The following FLT1 variants were observed in gnomAD, a reference collection of about 807,000 sequenced individuals.
The protein encoded by FLT1 is vascular endothelial growth factor receptor 1.
In FLT1, 49 loss-of-function variants were observed where a neutral mutation model predicts 156.3. That is an observed-to-expected ratio of 0.31 (90% CI 0.25 to 0.40). The LOEUF (loss-of-function observed/expected upper bound fraction) is 0.40. FLT1 is among the 10% of genes least tolerant of loss of function. The pLI, the probability that FLT1 is intolerant of heterozygous loss-of-function variation, is 1.00. For synonymous variants in FLT1, 594 were observed against 583.8 expected, an observed-to-expected ratio of 1.02 and a Z score of -0.25; for missense variants, 1,322 against 1,637.2, an observed-to-expected ratio of 0.81 and a Z score of 3.32.
intron 25 of FLT1, among the ~76,000 whole-genome samples, chr13:28,314,180 TC>T (rs1431741580): frequency 6.6e-6 from 1 of 152,170 alleles, no homozygotes; most frequent in Non-Finnish European, 1.5e-5. Context: ...TGGGCTCGTC[TC>T]CTCCTGCACC....
At chr13:28,369,527 A>T (rs1327369524) in intron 14 of FLT1, among the ~76,000 whole-genome samples, 1 of 152,216 alleles carries the variant, frequency 6.6e-6, no homozygotes, top group Non-Finnish European at 1.5e-5. Flanking sequence ...TCCATCTCCA[A>T]AAAAGAAAAG....
rs770913636 is a variant in FLT1, at chr13:28,345,353, G to C, written c.2355+92C>G. 40 of 754,174 alleles carry C rather than the reference G, an allele frequency of 5.3e-5. No individual in the cohort carries two copies. In the Middle Eastern group the frequency reaches 1.0e-3, roughly 19 times the overall value. The allele number at this position is 754,174 out of a possible 1,614,324, so 46.7% of individuals were successfully genotyped here. Reference sequence around the variant, plus strand: ...GAATGAGAGGGAAGGGAAAGAAAGAGGGTCCAACATTTGTTTGCCTACTCT... The same window carrying C: ...GAATGAGAGGGAAGGGAAAGAAAGACGGTCCAACATTTGTTTGCCTACTCT... On this transcript the variant is annotated intron_variant, in intron 16 of 29. Transcript: ENST00000282397.
At chr13:28,339,817 G>A (rs768897971) in intron 16 of FLT1, among the ~76,000 whole-genome samples, 58 of 152,308 alleles carry the variant, frequency 3.8e-4, no homozygotes, top group Admixed American at 1.1e-3. Context: ...CATTTCTTAT[G>A]AAGTGTTTAA....
intron 17 of FLT1, among the ~76,000 whole-genome samples, chr13:28,334,409 G>A (rs543483593): frequency 2.6e-5 from 4 of 152,256 alleles, no homozygotes; most frequent in Admixed American, 2.0e-4. Context: ...GCGTTCTCCC[G>A]TAGGAGAGAT....
intron 10 of FLT1, among the ~76,000 whole-genome samples, chr13:28,425,938 G>A (rs929719505): frequency 1.3e-5 from 2 of 152,136 alleles, no homozygotes; most frequent in African/African-American, 4.8e-5. Context: ...GAAAATGACA[G>A]TCAAATGAGA....
intron 1 of FLT1, among the ~76,000 whole-genome samples, chr13:28,485,822 G>A (rs533102173): frequency 6.6e-6 from 1 of 152,284 alleles, no homozygotes; most frequent in South Asian, 2.1e-4. Context: ...GGAAGCCCCG[G>A]CCAGGCTACT....
intron 25 of FLT1, among the ~76,000 whole-genome samples, chr13:28,316,839 T>C (rs577271411): frequency 3.7e-4 from 56 of 152,116 alleles, no homozygotes; most frequent in African/African-American, 1.3e-3. Context: ...GCCAGGCTAG[T>C]CTCGAACTCC....
Position 28,300,521 on chromosome 13 carries a change from CCACA to C in FLT1, c.*2642_*2645del, listed in dbSNP as rs57419092. 7,784 of 224,880 alleles carry C rather than the reference CCACA, an allele frequency of 0.035. 81 individuals are homozygous for C. The highest frequency in any genetic ancestry group is 0.062 in the South Asian group (328 of 5,292). 13.9% of individuals were successfully genotyped at this position (224,880 alleles called of 1,614,324 possible). A position where few individuals can be genotyped will look rare whatever the true frequency, so the allele number is the denominator to read the frequency against. On this transcript the variant is annotated 3_prime_UTR_variant, in exon 30 of 30. Coordinates refer to ENST00000282397, the MANE Select transcript of FLT1 (RefSeq NM_002019.4). ...AGTTATGCACAAAACACACATACAC[CCACA>C]CACACACACACACACACACACACAC... is the stretch of plus-strand genomic sequence containing the variant.
chr13:28,375,977 A>G (rs925356615), intron 14 of FLT1, among the ~76,000 whole-genome samples: 4 of 152,258 alleles, frequency 2.6e-5, no homozygotes, highest in African/African-American at 9.6e-5. Flanking sequence ...TTAAGGAATC[A>G]AGCAAAACTG....
intron 1 of FLT1, among the ~76,000 whole-genome samples, chr13:28,489,851 T>C (rs1464351400): frequency 6.6e-6 from 1 of 152,192 alleles, no homozygotes; most frequent in Non-Finnish European, 1.5e-5. Context: ...GTTAATCTTC[T>C]CATCAAATCT....
At chr13:28,438,479 C>T in intron 3 of FLT1, 134 bp from the exon 4 acceptor site, 1 of 713,576 alleles carries the variant, frequency 1.4e-6, no homozygotes, top group Non-Finnish European at 2.4e-6. Context: ...CATACATTCA[C>T]ATCTTTGTCT....
intron 19 of FLT1, among the ~76,000 whole-genome samples, chr13:28,327,902 G>A (rs1327293577): frequency 6.6e-6 from 1 of 152,152 alleles, no homozygotes. Flanking sequence ...CGAGTAGAGC[G>A]GCTTCTGGTT....
chr13:28,379,657 C>T (rs770342334), intron 14 of FLT1, among the ~76,000 whole-genome samples: 3 of 152,182 alleles, frequency 2.0e-5, no homozygotes, highest in Non-Finnish European at 4.4e-5. Flanking sequence ...GTTTGGGTTG[C>T]CCTGGCCAAG....
At chr13:28,486,176 T>A (rs1288421737) in intron 1 of FLT1, among the ~76,000 whole-genome samples, 1 of 152,232 alleles carries the variant, frequency 6.6e-6, no homozygotes, top group Non-Finnish European at 1.5e-5. Context: ...AATTACATGT[T>A]GTACGGGTTA....
At chr13:28,438,479 C>G in intron 3 of FLT1, 134 bp from the exon 4 acceptor site, 1 of 713,576 alleles carries the variant, frequency 1.4e-6, no homozygotes, top group Non-Finnish European at 2.4e-6. Context: ...CATACATTCA[C>G]ATCTTTGTCT....
At chr13:28,478,113 A>G (rs895521578) in intron 1 of FLT1, among the ~76,000 whole-genome samples, 4 of 152,220 alleles carry the variant, frequency 2.6e-5, no homozygotes, top group African/African-American at 9.6e-5. Context: ...TGTATTATTA[A>G]GACTAGTAGT....
chr13:28,445,269 G>A (rs148756438), intron 3 of FLT1, among the ~76,000 whole-genome samples: 1 of 151,898 alleles, frequency 6.6e-6, no homozygotes, highest in African/African-American at 2.4e-5. Flanking sequence ...CTGAGGCAAG[G>A]GTTCAAGACC....
Position 28,412,763 on chromosome 13 carries a change from GTCTC to G in FLT1, c.1437-6873_1437-6870del, listed in dbSNP as rs1198521052. On this transcript the variant is annotated intron_variant, in intron 10 of 29. Coordinates refer to ENST00000282397, the MANE Select transcript of FLT1 (RefSeq NM_002019.4). Reference sequence around the variant, plus strand: ...TTTTTTTTTTTTTTTTTGAGACGGAGTCTCTCTCTGTCGCCCAGGCTGGAGTGCA... The same window carrying G: ...TTTTTTTTTTTTTTTTTGAGACGGAGTCTCTGTCGCCCAGGCTGGAGTGCA... Among the ~76,000 whole-genome samples, 3 of 133,936 alleles carry G rather than the reference GTCTC, an allele frequency of 2.2e-5. No homozygotes were observed. In the East Asian group the frequency reaches 6.3e-4, roughly 28 times the overall value. The allele number at this position is 133,936 out of a possible 152,430, so 87.9% of individuals were successfully genotyped here.
intron 11 of FLT1, among the ~76,000 whole-genome samples, chr13:28,404,054 A>G (rs548284040): frequency 0.022 from 3,316 of 151,440 alleles, 120 homozygotes; most frequent in African/African-American, 0.074. Context: ...AAAAAAAAAA[A>G]AAAGAAAGAA....
Sources: gnomAD v4.1 joint callset for allele counts (sites outside exome capture counted in the v4.1 genomes callset) on GRCh38, gnomAD v4.1.1 for gene constraint, MANE v1.5 for transcripts, NCBI Gene and HGNC (gene_info 2026-07-23, HGNC 2026-07-21) for gene names.